The following CNTN5 variants were observed in gnomAD, a reference collection of about 807,000 sequenced individuals.
CNTN5 encodes the protein contactin 5.
In CNTN5, 77 loss-of-function variants were observed where a neutral mutation model predicts 129.1. The observed-to-expected ratio is 0.60, with a 90% CI of 0.50 to 0.72. CNTN5 has a LOEUF of 0.72. Among genes scored for constraint, CNTN5 ranks in the 30% least tolerant of loss-of-function variants. The pLI is 0.00. For synonymous variants in CNTN5, 509 were observed against 465.6 expected (o/e 1.09, Z -1.20); for missense variants, 1,478 against 1,328.8 (o/e 1.11, Z -1.75).
chr11:99,515,947 A>G (rs796707833), intron 2 of CNTN5, among the ~76,000 whole-genome samples: 3 of 114,318 alleles, frequency 2.6e-5, no homozygotes, highest in African/African-American at 9.0e-5. Context: ...ATATAATTTT[A>G]TGAAAAAAAA....
At position 99,834,738 on chromosome 11, in the gene CNTN5, A is replaced by G. The variant is rs188483161; in HGVS notation, c.278-10114A>G. Among the ~76,000 whole-genome samples the G allele has an allele frequency of 3.5e-4, 54 of 152,254 alleles. No individual in the cohort carries two copies. In the South Asian group the frequency reaches 6.4e-3, roughly 18 times the overall value. Reference sequence around the variant, plus strand: ...TCTCCATTCCATATTGTTTTTCTCAACTTGCTGAGACTAAGATAGATGGGG... The same window carrying G: ...TCTCCATTCCATATTGTTTTTCTCAGCTTGCTGAGACTAAGATAGATGGGG... On this transcript the variant is annotated intron_variant, in intron 4 of 24. Coordinates refer to ENST00000524871, the MANE Select transcript of CNTN5 (RefSeq NM_014361.4).
At chr11:100,061,125 C>A in intron 9 of CNTN5, 87 bp from the exon 10 acceptor site, 2 of 1,051,264 alleles carry the variant, frequency 1.9e-6, no homozygotes, top group Non-Finnish European at 2.7e-6. Flanking sequence ...TGCACTCAGC[C>A]TATTAAGTGC....
intron 3 of CNTN5, among the ~76,000 whole-genome samples, chr11:99,647,147 T>C (rs986025436): frequency 1.3e-5 from 2 of 152,144 alleles, no homozygotes; most frequent in Non-Finnish European, 2.9e-5. Context: ...TTTCTTCTAG[T>C]AGTTTTATAG....
intron 8 of CNTN5, among the ~76,000 whole-genome samples, chr11:100,000,108 GTAAC>G (rs1322251135): frequency 2.6e-5 from 4 of 151,844 alleles, no homozygotes; most frequent in Non-Finnish European, 4.4e-5. Context: ...GTGTACATAT[GTAAC>G]TAACCTGCAC....
intron 1 of CNTN5, among the ~76,000 whole-genome samples, chr11:99,063,549 T>C (rs11824289): frequency 0.014 from 2,136 of 151,002 alleles, 47 homozygotes; most frequent in African/African-American, 0.05. Flanking sequence ...AATAAATAAA[T>C]AAACGCATGA....
chr11:100,025,492 C>A (rs879808036), intron 9 of CNTN5, among the ~76,000 whole-genome samples: 2 of 152,166 alleles, frequency 1.3e-5, no homozygotes, highest in African/African-American at 4.8e-5. Context: ...CTGTGAGAAG[C>A]GGTTCACTGT....
intron 2 of CNTN5, among the ~76,000 whole-genome samples, chr11:99,456,680 GC>G (rs1944507810): frequency 6.6e-6 from 1 of 152,018 alleles, no homozygotes; most frequent in Non-Finnish European, 1.5e-5. Context: ...ATTTGAGATT[GC>G]AGGGCTAAGT....
chr11:100,049,048 C>T (rs1363855991), intron 9 of CNTN5, among the ~76,000 whole-genome samples: 1 of 151,940 alleles, frequency 6.6e-6, no homozygotes, highest in African/African-American at 2.4e-5. Flanking sequence ...CAGGAGAAAA[C>T]ACCACAAGAA....
At chr11:99,730,603 T>C (rs1481754971) in intron 3 of CNTN5, among the ~76,000 whole-genome samples, 2 of 152,338 alleles carry the variant, frequency 1.3e-5, no homozygotes, top group East Asian at 3.9e-4. Flanking sequence ...TTCTTTTGAA[T>C]TGATAAATGG....
chr11:99,331,590 T>C (rs1866001016), intron 2 of CNTN5, among the ~76,000 whole-genome samples: 1 of 152,164 alleles, frequency 6.6e-6, no homozygotes, highest in African/African-American at 2.4e-5. Flanking sequence ...TAACTTTCTT[T>C]TACCTGTAAA....
chr11:99,853,029 A>G (rs1947922822), intron 6 of CNTN5, among the ~76,000 whole-genome samples: 1 of 152,176 alleles, frequency 6.6e-6, no homozygotes. Context: ...TCTTGAGTAT[A>G]AAGACACCAA....
intron 18 of CNTN5, among the ~76,000 whole-genome samples, chr11:100,274,808 A>G (rs902505968): frequency 1.8e-4 from 27 of 152,238 alleles, no homozygotes; most frequent in African/African-American, 6.3e-4. Flanking sequence ...TAGGTCAACC[A>G]TTGTGGAAGA....
At chr11:99,126,665 G>A (rs973836113) in intron 1 of CNTN5, among the ~76,000 whole-genome samples, 3 of 152,176 alleles carry the variant, frequency 2.0e-5, no homozygotes, top group African/African-American at 4.8e-5. Context: ...GCAAACTGTA[G>A]CACCCAGGAT....
chr11:99,780,526 A>C (rs1182992337), intron 3 of CNTN5, among the ~76,000 whole-genome samples: 1 of 152,032 alleles, frequency 6.6e-6, no homozygotes, highest in Non-Finnish European at 1.5e-5. Context: ...TTAGCAAAGC[A>C]CTCAAAAGGG....
intron 2 of CNTN5, among the ~76,000 whole-genome samples, chr11:99,388,618 T>C (rs1283335863): frequency 6.6e-6 from 1 of 152,136 alleles, no homozygotes; most frequent in Non-Finnish European, 1.5e-5. Flanking sequence ...GCTATCTTAA[T>C]GAAACCAGTG....
chr11:99,093,983 C>T (rs1189707899), intron 1 of CNTN5, among the ~76,000 whole-genome samples: 1 of 151,782 alleles, frequency 6.6e-6, no homozygotes, highest in East Asian at 1.9e-4. Flanking sequence ...TGATATATAA[C>T]ATATAAGATA....
chr11:99,217,557 A>G (rs1360533689), intron 1 of CNTN5, among the ~76,000 whole-genome samples: 1 of 152,188 alleles, frequency 6.6e-6, no homozygotes, highest in Admixed American at 6.5e-5. Context: ...GGTGACATCA[A>G]TGCTATAGAT....
chr11:99,149,314 G>A (rs759149691), intron 1 of CNTN5, among the ~76,000 whole-genome samples: 3 of 152,016 alleles, frequency 2.0e-5, no homozygotes, highest in Non-Finnish European at 2.9e-5. Context: ...AAGAAGGAAA[G>A]AAGGCAAATG....
chr11:99,521,449 AT>A (rs1418306207), intron 2 of CNTN5, among the ~76,000 whole-genome samples: 1 of 152,190 alleles, frequency 6.6e-6, no homozygotes, highest in African/African-American at 2.4e-5. Context: ...TAAAAAAATA[AT>A]TTTAGGTGAC....
Sources: gnomAD v4.1 joint callset for allele counts (sites outside exome capture counted in the v4.1 genomes callset) on GRCh38, gnomAD v4.1.1 for gene constraint, MANE v1.5 for transcripts, NCBI Gene and HGNC (gene_info 2026-07-23, HGNC 2026-07-21) for gene names.